Variants in ERG observed in about 807,000 individuals in gnomAD.
ERG encodes transcriptional regulator ERG.
In ERG, 9 loss-of-function variants were observed where a neutral mutation model predicts 55.3. That is an observed-to-expected ratio of 0.16 (90% CI 0.10 to 0.28). ERG has a LOEUF of 0.28. Ranked by LOEUF, ERG falls within the 10% of genes least tolerant of loss-of-function variation. ERG has a pLI of 1.00. For synonymous variants in ERG, 223 were observed against 237.3 expected (o/e 0.94, Z 0.55); for missense variants, 434 against 631.6 (o/e 0.69, Z 3.35).
intron 1 of ERG, among the ~76,000 whole-genome samples, chr21:38,453,362 G>A (rs1234810989): frequency 6.6e-6 from 1 of 152,208 alleles, no homozygotes; most frequent in African/African-American, 2.4e-5. Flanking sequence ...AGAAAGAATA[G>A]TTATGTCCAC....
chr21:38,575,502 C>T (rs58488541), intron 2 of ERG, among the ~76,000 whole-genome samples: 248 of 152,234 alleles, frequency 1.6e-3, no homozygotes, highest in African/African-American at 5.8e-3. Flanking sequence ...ACGAAATATG[C>T]TTCTTTTGAT....
chr21:38,479,039 A>G (rs141307856), intron 1 of ERG, among the ~76,000 whole-genome samples: 146 of 152,338 alleles, frequency 9.6e-4, no homozygotes, highest in African/African-American at 3.4e-3. Context: ...CCACAACATC[A>G]TACTCAGTAT....
Position 38,498,401 on chromosome 21 carries a change from T to C in ERG, c.-21A>G. The C allele has an allele frequency of 1.2e-6, 2 of 1,601,570 alleles. No homozygotes were observed. Among genetic ancestry groups the C allele is most frequent in the Non-Finnish European group, 1.7e-6 (2 of 1,172,484 alleles). On this transcript the variant is annotated 5_prime_UTR_variant, in exon 1 of 10. Transcript: ENST00000288319. The surrounding 1 kb of genome is among the most constrained non-coding windows in gnomAD (Gnocchi z 4.6). ...GCCATAATGCGATCAAGTTTATTGA[T>C]CGTTAATAAATGTTAATAATAATTA...
intron 1 of ERG, among the ~76,000 whole-genome samples, chr21:38,633,200 A>C (rs998622457): frequency 2.0e-5 from 3 of 152,228 alleles, no homozygotes; most frequent in African/African-American, 7.2e-5. Context: ...AACAGAAAAT[A>C]GAATGGGTTA....
At chr21:38,597,865 A>T (rs1431584081) in intron 1 of ERG, among the ~76,000 whole-genome samples, 1 of 152,266 alleles carries the variant, frequency 6.6e-6, no homozygotes, top group Non-Finnish European at 1.5e-5. Context: ...TAGAAATTAT[A>T]AAATCATATA....
At position 38,383,919 on chromosome 21, in the gene ERG, A is replaced by G. The variant is rs1053699914; in HGVS notation, c.924T>C (p.Ser308=). ...GGAACTGCCAAAGCTGGATCTGGCCACTGCCTAATGAGGTCAGGAGAGGAA... is the reference window on the plus strand; with the variant it reads ...GGAACTGCCAAAGCTGGATCTGGCCGCTGCCTAATGAGGTCAGGAGAGGAA... ...PTSSRLANPG[S]GQIQLWQFLL... Residue 308 remains serine (S), a synonymous_variant, in exon 10 of 10, where the codon AGT becomes AGC. Transcript: ENST00000288319. This position sits in a 1 kb window ranked among gnomAD's most constrained non-coding sequence, Gnocchi z 5.7. 6.2e-7 allele frequency: 1 copy of G among 1,612,596 alleles called. No homozygotes were observed. The highest frequency in any genetic ancestry group is 8.5e-7 in the Non-Finnish European group (1 of 1,179,578).
intron 1 of ERG, among the ~76,000 whole-genome samples, chr21:38,581,808 C>T (rs1359552469): frequency 6.6e-6 from 1 of 152,092 alleles, no homozygotes; most frequent in African/African-American, 2.4e-5. Context: ...CCTTGGGAGG[C>T]CGAGGAGGGT....
chr21:38,497,815 C>T (rs987671626), intron 1 of ERG, among the ~76,000 whole-genome samples: 14 of 152,158 alleles, frequency 9.2e-5, no homozygotes, highest in African/African-American at 3.4e-4. Flanking sequence ...ATTTGAGTTA[C>T]GTGAGCACTC....
At chr21:38,649,064 T>C (rs1012362745) in intron 1 of ERG, among the ~76,000 whole-genome samples, 2 of 152,160 alleles carry the variant, frequency 1.3e-5, no homozygotes, top group Non-Finnish European at 2.9e-5. Context: ...CTATAACATA[T>C]GAAAACTGTT....
chr21:38,661,286 G>T (rs1255141688), intron 1 of ERG, among the ~76,000 whole-genome samples: 1 of 152,216 alleles, frequency 6.6e-6, no homozygotes, highest in Non-Finnish European at 1.5e-5. Context: ...TGCAAACATT[G>T]AAAATAGTAA....
Position 38,491,300 on chromosome 21 carries a change from G to A in ERG, c.18+7063C>T, listed in dbSNP as rs183369426. On this transcript the variant is annotated intron_variant, in intron 1 of 9. Transcript: ENST00000288319. Reference sequence around the variant, plus strand: ...TGCTGGCTGACGATCTGAATGAATGGCCTTGGGGGGAATGTGAATGTGGAG... The same window carrying A: ...TGCTGGCTGACGATCTGAATGAATGACCTTGGGGGGAATGTGAATGTGGAG... 1.6e-4 allele frequency among the ~76,000 whole-genome samples: 24 copies of A among 152,218 alleles called. No homozygotes were observed. In the East Asian group the frequency reaches 3.9e-3, roughly 24 times the overall value.
chr21:38,653,339 G>A (rs1177672076), intron 1 of ERG, among the ~76,000 whole-genome samples: 1 of 152,142 alleles, frequency 6.6e-6, no homozygotes, highest in Non-Finnish European at 1.5e-5. Flanking sequence ...CTTTGCACGT[G>A]CCTTTCCCAG....
intron 2 of ERG, among the ~76,000 whole-genome samples, chr21:38,441,667 T>C (rs761952474): frequency 3.3e-5 from 5 of 152,158 alleles, no homozygotes; most frequent in Non-Finnish European, 7.4e-5. Flanking sequence ...AGGGGATTAG[T>C]GTCAGCCACT....
At chr21:38,370,290 C>T in the ERG span, among the ~76,000 whole-genome samples, 5 of 151,956 alleles carry the variant, frequency 3.3e-5, no homozygotes, top group Admixed American at 6.6e-5. Context: ...ACCGTTTTTA[C>T]TTGTTGATTT....
At chr21:38,605,848 AAGAT>A (rs1197764499) in intron 1 of ERG, among the ~76,000 whole-genome samples, 3 of 152,170 alleles carry the variant, frequency 2.0e-5, no homozygotes, top group East Asian at 1.9e-4. Context: ...AGATGATAGA[AAGAT>A]AGATAGATAA....
intron 1 of ERG, among the ~76,000 whole-genome samples, chr21:38,464,403 A>G (rs1236685742): frequency 6.6e-6 from 1 of 152,184 alleles, no homozygotes; most frequent in Non-Finnish European, 1.5e-5. Context: ...TGTGGACAAG[A>G]AGTCCTAAAA....
At chr21:38,499,724 A>C (rs1461311683), upstream of ERG, among the ~76,000 whole-genome samples, 1 of 149,762 alleles carries the variant, frequency 6.7e-6, no homozygotes, top group East Asian at 2.0e-4. Context: ...GAGAAAGATA[A>C]GGGGGGAAAG....
chr21:38,419,516 T>TGC (rs1989440589), intron 3 of ERG, among the ~76,000 whole-genome samples: 1 of 150,830 alleles, frequency 6.6e-6, no homozygotes, highest in East Asian at 1.9e-4. Context: ...AAAATACACA[T>TGC]ACACACACAC....
At chr21:38,410,780 C>A (rs1989012313) in intron 3 of ERG, among the ~76,000 whole-genome samples, 1 of 152,006 alleles carries the variant, frequency 6.6e-6, no homozygotes, top group Admixed American at 6.5e-5. Context: ...CTTTCAGAGG[C>A]CCCTCTAGAG....
Sources: gnomAD v4.1 joint callset for allele counts (sites outside exome capture counted in the v4.1 genomes callset) on GRCh38, gnomAD v4.1.1 for gene constraint, Gnocchi (gnomAD v3.1) non-coding constraint, MANE v1.5 for transcripts, NCBI Gene and HGNC (gene_info 2026-07-23, HGNC 2026-07-21) for gene names.